Variants in ZNF503 observed in about 807,000 individuals in gnomAD.
ZNF503 encodes the protein zinc finger protein 503.
ZNF503 carries 15 observed loss-of-function variants against 34.4 expected under a neutral mutation model. That is an observed-to-expected ratio of 0.44 (90% CI 0.29 to 0.67). ZNF503 has a LOEUF of 0.67. ZNF503 is among the 30% of genes least tolerant of loss of function. The probability of loss-of-function intolerance (pLI) is 0.13; values close to 1 mark genes in which losing one functional copy is unlikely to be tolerated. For synonymous variants in ZNF503, 580 were observed against 456.8 expected (o/e 1.27, Z -3.44); for missense variants, 1,007 against 926.8 (o/e 1.09, Z -1.12).
At chr10:75,289,783 C>T in the ZNF503 span, among the ~76,000 whole-genome samples, 2 of 152,102 alleles carry the variant, frequency 1.3e-5, no homozygotes, top group Non-Finnish European at 2.9e-5. Flanking sequence ...CTGGGCTATG[C>T]TCGAACTCCC....
the ZNF503 span, among the ~76,000 whole-genome samples, chr10:75,319,093 G>A: frequency 6.6e-6 from 1 of 152,084 alleles, no homozygotes; most frequent in Non-Finnish European, 1.5e-5. Context: ...CTGAGTAGCT[G>A]GGACTACAGG....
At chr10:75,337,283 C>T in the ZNF503 span, among the ~76,000 whole-genome samples, 153 of 151,600 alleles carry the variant, frequency 1.0e-3, 1 homozygote, top group African/African-American at 3.4e-3. Context: ...GAGCCGAGAT[C>T]GTGCTACTGC....
chr10:75,354,155 G>A, the ZNF503 span, among the ~76,000 whole-genome samples: 2,410 of 152,286 alleles, frequency 0.016, 88 homozygotes, highest in African/African-American at 0.055. Flanking sequence ...GGGAAGCCCA[G>A]GAAAATGCAG....
At chr10:75,334,235 C>T in the ZNF503 span, among the ~76,000 whole-genome samples, 13 of 152,066 alleles carry the variant, frequency 8.5e-5, no homozygotes, top group Non-Finnish European at 1.5e-4. Context: ...CTCCTCCAGC[C>T]GCTGCCTCCC....
the ZNF503 span, among the ~76,000 whole-genome samples, chr10:75,289,234 A>T: frequency 6.6e-6 from 1 of 152,186 alleles, no homozygotes. Flanking sequence ...ACAGAGGGCC[A>T]TGCTGGGGGA....
Position 75,401,101 on chromosome 10 carries a change from T to C in ZNF503, c.315+4A>G. ...CCAGTGCGATCCAGAGAGAGGGTCC[T>C]TACCTCGATGGGGCTGACCGGCGTG... On this transcript the variant is annotated splice_donor_region_variant and intron_variant, in intron 1 of 1. Coordinates refer to ENST00000372524, the MANE Select transcript of ZNF503 (RefSeq NM_032772.6). 1 of 1,613,730 alleles carries C rather than the reference T, an allele frequency of 6.2e-7. No homozygotes were observed. Among genetic ancestry groups the C allele is most frequent in the Middle Eastern group, 1.7e-4 (1 of 6,054 alleles).
chr10:75,400,763 C>T (rs1461407038), intron 1 of ZNF503, among the ~76,000 whole-genome samples: 3 of 152,220 alleles, frequency 2.0e-5, no homozygotes, highest in East Asian at 3.9e-4. Context: ...GCTGTGTGCA[C>T]ACACTGGCTT....
At chr10:75,292,102 C>T in the ZNF503 span, among the ~76,000 whole-genome samples, 1 of 152,158 alleles carries the variant, frequency 6.6e-6, no homozygotes, top group African/African-American at 2.4e-5. Flanking sequence ...AGACTGACTC[C>T]CTGGCATGAG....
At chr10:75,323,762 AG>A in the ZNF503 span, among the ~76,000 whole-genome samples, 1 of 152,098 alleles carries the variant, frequency 6.6e-6, no homozygotes, top group Non-Finnish European at 1.5e-5. Flanking sequence ...GCACTTTGGG[AG>A]GCCAAGGCGG....
At chr10:75,346,582 G>A in the ZNF503 span, among the ~76,000 whole-genome samples, 3 of 151,638 alleles carry the variant, frequency 2.0e-5, no homozygotes, top group East Asian at 5.8e-4. Flanking sequence ...TGAGACTATA[G>A]GCATGTGCCA....
the ZNF503 span, among the ~76,000 whole-genome samples, chr10:75,285,568 C>T: frequency 6.6e-5 from 10 of 152,228 alleles, no homozygotes; most frequent in African/African-American, 2.2e-4. Context: ...TGGAATCCTT[C>T]CTCAACTGTG....
chr10:75,338,797 A>C, the ZNF503 span, among the ~76,000 whole-genome samples: 1 of 152,224 alleles, frequency 6.6e-6, no homozygotes, highest in African/African-American at 2.4e-5. Context: ...AGGAACACAC[A>C]CAGATTGGGC....
chr10:75,353,145 A>G, the ZNF503 span, among the ~76,000 whole-genome samples: 1 of 152,242 alleles, frequency 6.6e-6, no homozygotes, highest in African/African-American at 2.4e-5. Flanking sequence ...GAAAATAGGC[A>G]CATTATACGT....
chr10:75,285,601 G>T, the ZNF503 span, among the ~76,000 whole-genome samples: 1 of 152,338 alleles, frequency 6.6e-6, no homozygotes, highest in South Asian at 2.1e-4. Context: ...ACGTGGGTGA[G>T]TCCTCCTGAT....
At chr10:75,363,760 G>T in the ZNF503 span, among the ~76,000 whole-genome samples, 1 of 152,318 alleles carries the variant, frequency 6.6e-6, no homozygotes, top group African/African-American at 2.4e-5. Context: ...TCTAAACCTA[G>T]CTGTTTTACA....
chr10:75,328,191 A>G, the ZNF503 span, among the ~76,000 whole-genome samples: 3 of 152,076 alleles, frequency 2.0e-5, no homozygotes, highest in Admixed American at 1.3e-4. Context: ...GTCTGGAAGC[A>G]TTTCCTTTAT....
the ZNF503 span, among the ~76,000 whole-genome samples, chr10:75,380,195 G>A: frequency 1.3e-5 from 2 of 152,228 alleles, no homozygotes; most frequent in African/African-American, 4.8e-5. Context: ...TGCGGAGGCA[G>A]ATTTAACACA....
the ZNF503 span, among the ~76,000 whole-genome samples, chr10:75,294,798 C>T: frequency 3.4e-4 from 52 of 151,868 alleles, no homozygotes; most frequent in African/African-American, 1.2e-3. Context: ...GGGGGAGGCC[C>T]GGGAGGGCGC....
At chr10:75,393,963 G>C (rs925836633), downstream of ZNF503, among the ~76,000 whole-genome samples, 2 of 152,118 alleles carry the variant, frequency 1.3e-5, no homozygotes, top group Non-Finnish European at 2.9e-5. Context: ...ACCCAGCTAC[G>C]TTCACCACAC....
Sources: gnomAD v4.1 joint callset for allele counts (sites outside exome capture counted in the v4.1 genomes callset) on GRCh38, gnomAD v4.1.1 for gene constraint, MANE v1.5 for transcripts, NCBI Gene and HGNC (gene_info 2026-07-23, HGNC 2026-07-21) for gene names.